IFT140: variants seen among roughly 807,000 people sequenced by gnomAD.
IFT140 encodes intraflagellar transport protein 140 homolog.
A neutral mutation model predicts 164.6 loss-of-function variants in IFT140; 133 were observed. The ratio of observed to expected loss-of-function variants is 0.81; its 90% confidence interval spans 0.70 to 0.93. The LOEUF is 0.93. IFT140 is among the 40% of genes least tolerant of loss of function. The pLI is 0.00. For synonymous variants in IFT140, 860 were observed against 817.3 expected (o/e 1.05, Z -0.89); for missense variants, 2,045 against 1,972.3 (o/e 1.04, Z -0.70).
At position 1,523,821 on chromosome 16, in the gene IFT140, C is replaced by A. The variant is rs773532379; in HGVS notation, c.3270+7G>T. 3 of 1,612,224 alleles carry A rather than the reference C, an allele frequency of 1.9e-6. No homozygotes were observed. The Admixed American group carries it at 5.0e-5, about 27-fold the overall frequency. ...CCCCCAGGTCCCCACCGGTGGCCAG[C>A]CCTCACCTTGTGGTACAGCATGACC... On this transcript the variant is annotated splice_region_variant and intron_variant, in intron 25 of 30. Coordinates refer to ENST00000426508, the MANE Select transcript of IFT140 (RefSeq NM_014714.4).
rs182060150 is a variant in IFT140 at position 1,560,355 on chromosome 16, C to T, written c.2199+1630G>A. On this transcript the variant is annotated intron_variant, in intron 18 of 30. Transcript: ENST00000426508. ...TGGCTCTACATGGTGACCAGGAACA[C>T]GGCCGCCAACCGCACCCAGGTTCGC... 7.2e-5 allele frequency among the ~76,000 whole-genome samples: 11 copies of T among 152,308 alleles called. No homozygotes were observed. The East Asian group carries it at 2.1e-3, about 29-fold the overall frequency.
chr16:1,557,535 A>T, intron 19 of IFT140: 1 of 170,922 alleles, frequency 5.9e-6, no homozygotes, highest in Non-Finnish European at 1.2e-5. Flanking sequence ...AATGGAGAAG[A>T]AGGTGCTTGC....
At chr16:1,520,915 C>T (rs2040508268) in intron 26 of IFT140, 107 bp from the exon 27 acceptor site, 3 of 1,037,116 alleles carry the variant, frequency 2.9e-6, no homozygotes, top group South Asian at 3.1e-5. Flanking sequence ...GGCTCAGCGG[C>T]GGCTTCTGTC....
intron 1 of IFT140, among the ~76,000 whole-genome samples, chr16:1,611,298 A>C (rs1048231668): frequency 6.6e-6 from 1 of 152,156 alleles, no homozygotes; most frequent in Non-Finnish European, 1.5e-5. Flanking sequence ...GGAGCCCAGG[A>C]GTTCGAGACC....
chr16:1,561,124 C>T (rs1307951744), intron 18 of IFT140, among the ~76,000 whole-genome samples: 5 of 152,236 alleles, frequency 3.3e-5, no homozygotes, highest in Admixed American at 2.0e-4. Flanking sequence ...ACACGTGACT[C>T]GGGATGCTCC....
At chr16:1,520,907 C>CT in intron 26 of IFT140, 99 bp from the exon 27 acceptor site, 1 of 1,151,738 alleles carries the variant, frequency 8.7e-7, no homozygotes, top group Non-Finnish European at 1.2e-6. Context: ...GGCCCCTCGG[C>CT]TCAGCGGCGG....
chr16:1,586,186 C>T lies in IFT140; in HGVS notation c.1099G>A (p.Asp367Asn), dbSNP rs1443509777. Residue 367 changes from aspartate to asparagine, a missense_variant, in exon 10 of 31, where the codon GAC (aspartate) becomes AAC (asparagine). By Grantham distance (23) the Asp-to-Asn change is conservative (BLOSUM62 1). Coordinates refer to ENST00000426508, the MANE Select transcript of IFT140 (RefSeq NM_014714.4). ...FLGSPGAEGK[D>N]RWALQTPTEL... ...GTAGGGGTCTGAAGGGCCCACCTGT[C>T]CTTGCCCTCTGCCCCGGGGCTGCCC... 3.1e-6 allele frequency: 5 copies of T among 1,614,088 alleles called. No homozygotes were observed. In the South Asian group the frequency reaches 4.4e-5, roughly 14 times the overall value.
chr16:1,587,143 C>A (rs759674478), intron 9 of IFT140, 55 bp downstream of exon 9: 5 of 1,100,066 alleles, frequency 4.5e-6, no homozygotes, highest in Non-Finnish European at 7.0e-6. Context: ...TTGCAGCCGG[C>A]GCACAATGCT....
chr16:1,554,431 T>C (rs1298653459), intron 19 of IFT140, among the ~76,000 whole-genome samples: 1 of 152,174 alleles, frequency 6.6e-6, no homozygotes, highest in Admixed American at 6.5e-5. Context: ...CAAGCATCAG[T>C]GCTGACCTGA....
rs74002406 is a variant in IFT140, at chr16:1,554,261, C to A, written c.2399+3674G>T. 375 of 512,182 alleles carry A rather than the reference C, an allele frequency of 7.3e-4. 3 individuals are homozygous for A. The African/African-American group carries it at 7.4e-3, about 10-fold the overall frequency. The allele number at this position is 512,182 out of a possible 1,614,324, so 31.7% of individuals were successfully genotyped here. A position where few individuals can be genotyped will look rare whatever the true frequency, so the allele number is the denominator to read the frequency against. ...AGCAAGAAAACTGTCAGAAGCATAG[C>A]TCTGGGCGCGATGAGCACCAAACTG... On this transcript the variant is annotated intron_variant, in intron 19 of 30. Transcript: ENST00000426508.
At chr16:1,592,734 C>A in intron 4 of IFT140, 146 bp from the exon 5 acceptor site, 1 of 1,319,968 alleles carries the variant, frequency 7.6e-7, no homozygotes, top group Non-Finnish European at 1.0e-6. Context: ...GGCAGAGTGA[C>A]TGGTGGAGGG....
intron 19 of IFT140, among the ~76,000 whole-genome samples, chr16:1,545,234 G>A (rs965468188): frequency 2.0e-5 from 3 of 152,116 alleles, no homozygotes; most frequent in East Asian, 1.9e-4. Context: ...GCTCCAACAC[G>A]ACCTCTGACA....
chr16:1,543,646 G>C (rs962128275), intron 19 of IFT140, among the ~76,000 whole-genome samples: 4 of 152,330 alleles, frequency 2.6e-5, no homozygotes, highest in African/African-American at 9.6e-5. Flanking sequence ...CCAACTGACT[G>C]TAAGAACGAA....
chr16:1,527,916 G>A (rs1033188517), intron 19 of IFT140, among the ~76,000 whole-genome samples: 1 of 152,222 alleles, frequency 6.6e-6, no homozygotes, highest in East Asian at 1.9e-4. Context: ...CCCTGCTGGC[G>A]CTGATCCAGG....
chr16:1,556,276 T>C (rs558178933), intron 19 of IFT140, among the ~76,000 whole-genome samples: 2 of 152,182 alleles, frequency 1.3e-5, no homozygotes, highest in Non-Finnish European at 2.9e-5. Flanking sequence ...ATCTAACATC[T>C]ACATCTGAGG....
intron 15 of IFT140, among the ~76,000 whole-genome samples, chr16:1,566,616 C>T (rs562000207): frequency 4.7e-4 from 72 of 152,278 alleles, no homozygotes; most frequent in Non-Finnish European, 5.9e-4. Context: ...TGCGGGATAA[C>T]CGTTCTCAGC....
Position 1,524,855 on chromosome 16 carries a change from G to T in IFT140, c.2926C>A (p.His976Asn), listed in dbSNP as rs1285617393. The T allele has an allele frequency of 8.1e-6, 13 of 1,613,096 alleles. No homozygotes were observed. The highest frequency in any genetic ancestry group is 3.3e-4 in the Middle Eastern group (2 of 6,084). ...ESQGEMDAALHYYELARDHFS... is the reference protein window; with the variant it reads ...ESQGEMDAALNYYELARDHFS... ...TGGTCCCGGGCCAGCTCGTAGTAGT[G>T]CAGCGCGGCGTCCATCTCGCCCTGG... Residue 976 changes from histidine (H) to asparagine (N), a missense_variant, in exon 23 of 31, where the codon CAC (histidine) becomes AAC (asparagine). Transcript: ENST00000426508.
chr16:1,534,281 C>CG (rs1567340193), intron 19 of IFT140: 1 of 1,611,810 alleles, frequency 6.2e-7, no homozygotes, highest in Non-Finnish European at 8.5e-7. Flanking sequence ...CAGCGATGAC[C>CG]GTGCAGAGAC....
At chr16:1,519,404 T>C (rs2667666) in intron 29 of IFT140, among the ~76,000 whole-genome samples, 23,318 of 152,152 alleles carry the variant, frequency 0.15, 3,226 homozygotes, top group African/African-American at 0.37. Context: ...CTTAGCATCT[T>C]GGCCTCTCCT....
Sources: gnomAD v4.1 joint callset for allele counts (sites outside exome capture counted in the v4.1 genomes callset) on GRCh38, gnomAD v4.1.1 for gene constraint, MANE v1.5 for transcripts, NCBI Gene and HGNC (gene_info 2026-07-23, HGNC 2026-07-21) for gene names.